Variants in ALDH1A1 observed in about 807,000 individuals in gnomAD.
The protein encoded by ALDH1A1 is aldehyde dehydrogenase 1 family member A1.
ALDH1A1 carries 19 observed loss-of-function variants against 62.1 expected under a neutral mutation model. That is an observed-to-expected ratio of 0.31 (90% CI 0.21 to 0.45). ALDH1A1 has a LOEUF of 0.45. Among genes scored for constraint, ALDH1A1 ranks in the 20% least tolerant of loss-of-function variants. The pLI is 1.00. For missense variants in ALDH1A1, 521 were observed against 607.1 expected (o/e 0.86, Z 1.49); for synonymous variants, 231 against 215.9 (o/e 1.07, Z -0.61).
Position 72,946,896 on chromosome 9 carries a change from G to T in ALDH1A1, c.66+6039C>A, listed in dbSNP as rs529362694. Among the ~76,000 whole-genome samples, 3 of 151,862 alleles carry T rather than the reference G, an allele frequency of 2.0e-5. No homozygotes were observed. In the East Asian group the frequency reaches 5.8e-4, roughly 29 times the overall value. ...ATTTCAGAGTCATTACCTTTACTTT[G>T]GGTTGGTCTTCAAATGAGTTATTTT... On this transcript the variant is annotated intron_variant, in intron 1 of 12. Transcript: ENST00000297785.
At chr9:72,924,616 T>TA (rs1830182079) in intron 6 of ALDH1A1, among the ~76,000 whole-genome samples, 1 of 152,212 alleles carries the variant, frequency 6.6e-6, no homozygotes, top group Non-Finnish European at 1.5e-5. Flanking sequence ...GTTAAGTAAA[T>TA]ACTGTCATCC....
chr9:72,949,950 G>A (rs1830522682), intron 1 of ALDH1A1, among the ~76,000 whole-genome samples: 1 of 151,672 alleles, frequency 6.6e-6, no homozygotes, highest in African/African-American at 2.4e-5. Flanking sequence ...TGAAATCTTG[G>A]AAGACCCTTG....
At chr9:72,909,890 G>T in intron 10 of ALDH1A1, 131 bp from the exon 11 acceptor site, 1 of 713,196 alleles carries the variant, frequency 1.4e-6, no homozygotes, top group Non-Finnish European at 2.1e-6. Context: ...AAACCTATGT[G>T]TGAGAATCCA....
intron 7 of ALDH1A1, among the ~76,000 whole-genome samples, chr9:72,923,196 C>G (rs747097675): frequency 1.2e-4 from 19 of 152,122 alleles, no homozygotes; most frequent in Non-Finnish European, 2.8e-4. Flanking sequence ...GCATTTTGTA[C>G]ATGCCTTAGT....
chr9:72,944,481 T>C (rs759339738), intron 1 of ALDH1A1, among the ~76,000 whole-genome samples: 5 of 152,052 alleles, frequency 3.3e-5, no homozygotes, highest in Non-Finnish European at 7.4e-5. Flanking sequence ...AATACATTTT[T>C]TTTCTGTTTT....
intron 2 of ALDH1A1, among the ~76,000 whole-genome samples, chr9:72,938,027 C>G (rs1830366463): frequency 6.6e-6 from 1 of 152,052 alleles, no homozygotes. Flanking sequence ...CTAAAAGGGC[C>G]CCCTCAGGTC....
chr9:72,931,077 A>G, intron 2 of ALDH1A1, 58 bp from the exon 3 acceptor site: 2 of 1,600,668 alleles, frequency 1.2e-6, no homozygotes. Context: ...AGCAAATTTA[A>G]TGCCAATAAC....
At chr9:72,942,281 G>T in intron 1 of ALDH1A1, 1 of 985,146 alleles carries the variant, frequency 1.0e-6, no homozygotes, top group Non-Finnish European at 1.2e-6. Context: ...GGCTGGGAAA[G>T]AACTTAATCA....
At position 72,925,467 on chromosome 9, in the gene ALDH1A1, G is replaced by A. The variant is rs776875387; in HGVS notation, c.633+17C>T. ...ATTCTTGAGTTCTTGAGCATATTTT[G>A]ATTTCGGGAGACTTACCTCTTTTAT... On this transcript the variant is annotated intron_variant, in intron 6 of 12. Coordinates refer to ENST00000297785, the MANE Select transcript of ALDH1A1 (RefSeq NM_000689.5). The A allele has an allele frequency of 6.2e-7, 1 of 1,610,234 alleles. No individual in the cohort carries two copies. The highest frequency in any genetic ancestry group is 1.7e-5 in the Admixed American group (1 of 59,058).
At chr9:72,923,388 C>T (rs1830165743) in intron 7 of ALDH1A1, among the ~76,000 whole-genome samples, 1 of 152,158 alleles carries the variant, frequency 6.6e-6, no homozygotes, top group Non-Finnish European at 1.5e-5. Context: ...TATGCTTCCA[C>T]CACTTTCTTT....
chr9:72,926,576 A>T (rs543999590), intron 5 of ALDH1A1, among the ~76,000 whole-genome samples: 1 of 152,248 alleles, frequency 6.6e-6, no homozygotes, highest in African/African-American at 2.4e-5. Context: ...TGAGCCTCTT[A>T]TCTAAAGGTA....
At chr9:72,915,223 TAA>T (rs2118504060) in intron 9 of ALDH1A1, among the ~76,000 whole-genome samples, 1 of 152,316 alleles carries the variant, frequency 6.6e-6, no homozygotes, top group Non-Finnish European at 1.5e-5. Flanking sequence ...TAGGAATTTT[TAA>T]GTCTATTTTA....
At chr9:72,946,578 CA>C (rs1189524436) in intron 1 of ALDH1A1, among the ~76,000 whole-genome samples, 3 of 152,002 alleles carry the variant, frequency 2.0e-5, no homozygotes, top group African/African-American at 7.2e-5. Context: ...CAGTATTACA[CA>C]GATTTACTTT....
chr9:72,919,602 T>C (rs1286198458), intron 7 of ALDH1A1, among the ~76,000 whole-genome samples: 1 of 152,238 alleles, frequency 6.6e-6, no homozygotes, highest in Non-Finnish European at 1.5e-5. Flanking sequence ...CCAAATAGAT[T>C]GTTAACTCTG....
intron 7 of ALDH1A1, among the ~76,000 whole-genome samples, chr9:72,919,745 A>G (rs1179519283): frequency 6.6e-6 from 1 of 152,038 alleles, no homozygotes; most frequent in East Asian, 1.9e-4. Context: ...CAACACACAC[A>G]CCTTTGAACA....
At chr9:72,927,066 A>G (rs1830220969) in intron 5 of ALDH1A1, 50 bp downstream of exon 5, 3 of 1,344,340 alleles carry the variant, frequency 2.2e-6, no homozygotes, top group Non-Finnish European at 3.1e-6. Flanking sequence ...ATTAGATAGA[A>G]TAAGAACTCT....
intron 10 of ALDH1A1, 145 bp downstream of exon 10, chr9:72,911,813 A>T: frequency 1.1e-6 from 1 of 945,840 alleles, no homozygotes; most frequent in South Asian, 1.6e-5. Context: ...CAAATAACTT[A>T]AACCTCTATC....
At chr9:72,919,600 A>C (rs913886210) in intron 7 of ALDH1A1, among the ~76,000 whole-genome samples, 1 of 152,222 alleles carries the variant, frequency 6.6e-6, no homozygotes, top group Non-Finnish European at 1.5e-5. Context: ...TCCCAAATAG[A>C]TTGTTAACTC....
At chr9:72,908,571 GAAAGAAAGAAAGAAAGAAAGAAAGA>G (rs1564622650) in intron 11 of ALDH1A1, among the ~76,000 whole-genome samples, 8 of 91,444 alleles carry the variant, frequency 8.7e-5, no homozygotes, top group African/African-American at 8.0e-5. Context: ...AAGAAAGAAA[GAAAGAAAGAAAGAAAGAAAGAAAGA>G]AAGAAAGAAA....
Sources: allele counts gnomAD v4.1 joint callset (sites outside exome capture counted in the v4.1 genomes callset), GRCh38; gene constraint gnomAD v4.1.1; transcripts MANE v1.5; gene names NCBI Gene and HGNC (gene_info 2026-07-23, HGNC 2026-07-21).